TMEM266: variants seen among roughly 807,000 people sequenced by gnomAD.
The protein encoded by TMEM266 is Hv1 related protein 1.
A neutral mutation model predicts 50.5 loss-of-function variants in TMEM266; 33 were observed. The ratio of observed to expected loss-of-function variants is 0.65; its 90% confidence interval spans 0.50 to 0.87. The LOEUF is 0.87. Ranked by LOEUF, TMEM266 falls within the 40% of genes least tolerant of loss-of-function variation. The probability of loss-of-function intolerance (pLI) is 0.00; values close to 1 mark genes in which losing one functional copy is unlikely to be tolerated. For missense variants in TMEM266, 655 were observed against 695.1 expected (o/e 0.94, Z 0.65); for synonymous variants, 310 against 292.3 (o/e 1.06, Z -0.62).
intron 3 of TMEM266, among the ~76,000 whole-genome samples, chr15:76,149,968 A>G (rs1378612407): frequency 6.6e-5 from 10 of 152,190 alleles, no homozygotes; most frequent in Non-Finnish European, 1.5e-4. Flanking sequence ...GGTTTTGCTG[A>G]CCAACAAAAC....
At chr15:76,165,185 C>T (rs915629744) in intron 5 of TMEM266, among the ~76,000 whole-genome samples, 1 of 152,208 alleles carries the variant, frequency 6.6e-6, no homozygotes, top group Admixed American at 6.5e-5. Context: ...CAGCCTGAAG[C>T]CTGGACCCCT....
At chr15:76,178,214 G>C (rs1055830290) in intron 8 of TMEM266, among the ~76,000 whole-genome samples, 4 of 152,146 alleles carry the variant, frequency 2.6e-5, no homozygotes, top group African/African-American at 7.2e-5. Flanking sequence ...GTTGTTGATG[G>C]AGCCTTCTGG....
chr15:76,169,366 G>A (rs1394329136), intron 5 of TMEM266, among the ~76,000 whole-genome samples: 3 of 152,040 alleles, frequency 2.0e-5, no homozygotes, highest in Non-Finnish European at 2.9e-5. Flanking sequence ...AGTCAACTGC[G>A]TTTTTGCCAC....
At chr15:76,146,812 G>A (rs985667523) in intron 3 of TMEM266, among the ~76,000 whole-genome samples, 3 of 152,274 alleles carry the variant, frequency 2.0e-5, no homozygotes, top group African/African-American at 7.2e-5. Context: ...ACCCCACCAG[G>A]CTAGGTCCTC....
rs59801043 is a variant in TMEM266, at chr15:76,070,403, A to G, written c.-97+10387A>G. ...TGACTACTTCTGAATGCTAAGGACT[A>G]TGGAAATTCAACTGTTTTGCTTTCT... On this transcript the variant is annotated intron_variant, in intron 1 of 10. Transcript: ENST00000388942. Among the ~76,000 whole-genome samples, 727 of 152,350 alleles carry G rather than the reference A, an allele frequency of 4.8e-3. 4 individuals carry two copies. Among genetic ancestry groups the G allele is most frequent in the African/African-American group, 0.016 (683 of 41,580 alleles).
chr15:76,146,609 A>G (rs972673643), intron 3 of TMEM266, among the ~76,000 whole-genome samples: 1 of 152,254 alleles, frequency 6.6e-6, no homozygotes, highest in Non-Finnish European at 1.5e-5. Flanking sequence ...GGTTAGAAAA[A>G]TAAGACAGAC....
rs1295020080 is a variant in TMEM266 at position 76,130,247 on chromosome 15, A to C, written c.-96-3921A>C. On this transcript the variant is annotated intron_variant, in intron 1 of 10. Transcript: ENST00000388942. ...AAAAAAAAAAAAAAAAAAAAAAAAA[A>C]AAAAAAACCGCCGGGTGCAGTGTCT... 3.0e-3 allele frequency among the ~76,000 whole-genome samples: 278 copies of C among 93,530 alleles called. 12 individuals are homozygous for C. Among genetic ancestry groups the C allele is most frequent in the Non-Finnish European group, 3.6e-3 (188 of 51,660 alleles). 61.4% of individuals were successfully genotyped at this position (93,530 alleles called of 152,430 possible).
intron 8 of TMEM266, among the ~76,000 whole-genome samples, chr15:76,178,075 A>G (rs1398692311): frequency 6.6e-6 from 1 of 151,980 alleles, no homozygotes; most frequent in Non-Finnish European, 1.5e-5. Context: ...GAGCAGAGGG[A>G]GGCAGTAGGA....
At chr15:76,189,628 G>A (rs945204684) in intron 8 of TMEM266, among the ~76,000 whole-genome samples, 1 of 152,130 alleles carries the variant, frequency 6.6e-6, no homozygotes, top group Admixed American at 6.5e-5. Flanking sequence ...CACTGGGTGG[G>A]GGTGGCTAAA....
intron 1 of TMEM266, among the ~76,000 whole-genome samples, chr15:76,085,875 T>C (rs999189677): frequency 6.6e-6 from 1 of 151,988 alleles, no homozygotes; most frequent in African/African-American, 2.4e-5. Context: ...GGTGAAACCC[T>C]ATCTCTACTA....
chr15:76,154,084 C>T (rs759425298), intron 3 of TMEM266, among the ~76,000 whole-genome samples: 31 of 152,306 alleles, frequency 2.0e-4, no homozygotes, highest in African/African-American at 4.3e-4. Flanking sequence ...AAATCACAGC[C>T]GCCCTCACCA....
intron 3 of TMEM266, among the ~76,000 whole-genome samples, chr15:76,154,372 C>T (rs899504816): frequency 6.6e-6 from 1 of 152,102 alleles, no homozygotes; most frequent in African/African-American, 2.4e-5. Flanking sequence ...TGGTGATTGG[C>T]CCCTGTGTGC....
chr15:76,104,281 C>T (rs2037047694), intron 1 of TMEM266, among the ~76,000 whole-genome samples: 1 of 152,068 alleles, frequency 6.6e-6, no homozygotes, highest in Non-Finnish European at 1.5e-5. Flanking sequence ...AGCCACTAGC[C>T]ACGTATGGCT....
rs1326207852 is a variant in TMEM266 at position 76,144,438 on chromosome 15, G to GCTGCCGATGGTGTCCCTT, written c.227+6547_227+6564dup. On this transcript the variant is annotated intron_variant, in intron 3 of 10. Transcript: ENST00000388942. ...CATGTCCAGTGCCCATGAAGCTACT[G>GCTGCCGATGGTGTCCCTT]CTGCCGATGGTGTCCCTTCTGGGAG... Among the ~76,000 whole-genome samples the GCTGCCGATGGTGTCCCTT allele has an allele frequency of 9.2e-5, 14 of 152,266 alleles. No individual in the cohort carries two copies. The East Asian group carries it at 2.7e-3, about 29-fold the overall frequency.
intron 1 of TMEM266, among the ~76,000 whole-genome samples, chr15:76,090,153 C>T (rs1185868377): frequency 1.3e-5 from 2 of 151,974 alleles, no homozygotes; most frequent in Non-Finnish European, 2.9e-5. Context: ...TGAGAAAGAC[C>T]GTCAGTGGGT....
intron 1 of TMEM266, among the ~76,000 whole-genome samples, chr15:76,133,340 G>C (rs2037542307): frequency 6.6e-6 from 1 of 152,136 alleles, no homozygotes; most frequent in African/African-American, 2.4e-5. Context: ...GGGAGGCTGA[G>C]GCAGGAGAAT....
rs530792600 is a variant in TMEM266, at chr15:76,142,976, C to T, written c.227+5081C>T. 5.9e-5 allele frequency among the ~76,000 whole-genome samples: 9 copies of T among 152,324 alleles called. No homozygotes were observed. In the South Asian group the frequency reaches 1.9e-3, roughly 32 times the overall value. On this transcript the variant is annotated intron_variant, in intron 3 of 10. Coordinates refer to ENST00000388942, the MANE Select transcript of TMEM266 (RefSeq NM_152335.3). ...CTGGTTAGTCCCAAGGTGGCCAGTT[C>T]TGATCGCTTGTGTCTGCCTCAAGTC... is the stretch of plus-strand genomic sequence containing the variant.
At chr15:76,179,536 G>A (rs2038362426) in intron 8 of TMEM266, among the ~76,000 whole-genome samples, 2 of 152,072 alleles carry the variant, frequency 1.3e-5, no homozygotes, top group Non-Finnish European at 2.9e-5. Flanking sequence ...CCTACTCATG[G>A]CACTTAGCAC....
intron 1 of TMEM266, among the ~76,000 whole-genome samples, chr15:76,089,724 A>G (rs760390240): frequency 6.6e-5 from 10 of 152,164 alleles, no homozygotes; most frequent in Non-Finnish European, 1.3e-4. Context: ...TACCGACAGG[A>G]GAGGCAAGGG....
Sources: allele counts gnomAD v4.1 joint callset (sites outside exome capture counted in the v4.1 genomes callset), GRCh38; gene constraint gnomAD v4.1.1; transcripts MANE v1.5; gene names NCBI Gene and HGNC (gene_info 2026-07-23, HGNC 2026-07-21).